The following FBXO4 variants were observed in gnomAD, a reference collection of about 807,000 sequenced individuals.
FBXO4 encodes the protein F-box protein 4, also known as F-box only protein 4.
Under a neutral mutation model 43.7 loss-of-function variants are expected in FBXO4, and 36 were observed. That is an observed-to-expected ratio of 0.82 (90% CI 0.63 to 1.09). The LOEUF is 1.09. Ranked by LOEUF, FBXO4 falls within the 50% of genes least tolerant of loss-of-function variation. The pLI is 0.00. For synonymous variants in FBXO4, 180 were observed against 165.6 expected, an observed-to-expected ratio of 1.09 and a Z score of -0.67; for missense variants, 435 against 474.1, an observed-to-expected ratio of 0.92 and a Z score of 0.77.
At chr5:41,957,378 C>A in the FBXO4 span, among the ~76,000 whole-genome samples, 1 of 148,830 alleles carries the variant, frequency 6.7e-6, no homozygotes, top group African/African-American at 2.4e-5. Flanking sequence ...TATTAGCATG[C>A]TGAATAATTA....
chr5:42,032,057 CTG>C, the FBXO4 span, among the ~76,000 whole-genome samples: 52,933 of 138,810 alleles, frequency 0.38, 9,819 homozygotes, highest in Middle Eastern at 0.46. Context: ...GTCTTTTTTT[CTG>C]TGTGTGTGTG....
At chr5:41,927,323 C>T in intron 2 of FBXO4, 75 bp downstream of exon 2, 4 of 1,055,826 alleles carry the variant, frequency 3.8e-6, no homozygotes, top group Non-Finnish European at 5.5e-6. Flanking sequence ...CCAAGTTAAT[C>T]CTGACCCTGC....
the FBXO4 span, among the ~76,000 whole-genome samples, chr5:41,950,327 C>T: frequency 6.6e-6 from 1 of 151,944 alleles, no homozygotes; most frequent in South Asian, 2.1e-4. Flanking sequence ...CTGACAAGGG[C>T]TAATACCCAG....
At chr5:42,003,152 A>G in the FBXO4 span, among the ~76,000 whole-genome samples, 1 of 152,240 alleles carries the variant, frequency 6.6e-6, no homozygotes, top group East Asian at 1.9e-4. Flanking sequence ...AGGAGAAAAA[A>G]TGAACTAAGT....
At chr5:41,955,757 A>G in the FBXO4 span, among the ~76,000 whole-genome samples, 1 of 152,282 alleles carries the variant, frequency 6.6e-6, no homozygotes, top group African/African-American at 2.4e-5. Flanking sequence ...CATGAGTAGG[A>G]GAAAACTACC....
At chr5:42,010,533 C>A in the FBXO4 span, among the ~76,000 whole-genome samples, 7 of 151,600 alleles carry the variant, frequency 4.6e-5, no homozygotes, top group East Asian at 9.7e-4. Flanking sequence ...GAATTTACTT[C>A]TTTTCTAAGA....
At chr5:41,948,978 A>G in the FBXO4 span, among the ~76,000 whole-genome samples, 1 of 152,240 alleles carries the variant, frequency 6.6e-6, no homozygotes, top group African/African-American at 2.4e-5. Flanking sequence ...GATTATCTCA[A>G]TAGAGGCAGA....
At chr5:41,984,162 C>A in the FBXO4 span, among the ~76,000 whole-genome samples, 1 of 152,028 alleles carries the variant, frequency 6.6e-6, no homozygotes, top group African/African-American at 2.4e-5. Context: ...TTATCCATGG[C>A]ATTTTTAATA....
chr5:41,962,198 C>T, the FBXO4 span, among the ~76,000 whole-genome samples: 1 of 152,192 alleles, frequency 6.6e-6, no homozygotes, highest in African/African-American at 2.4e-5. Flanking sequence ...ACTTATTTTA[C>T]CACAGGCTGC....
the FBXO4 span, among the ~76,000 whole-genome samples, chr5:42,039,717 T>A: frequency 3.3e-5 from 5 of 152,084 alleles, no homozygotes; most frequent in Non-Finnish European, 7.4e-5. Context: ...TCCGTGATAA[T>A]GTTACCTTAT....
At chr5:41,990,489 G>C in the FBXO4 span, among the ~76,000 whole-genome samples, 47 of 152,220 alleles carry the variant, frequency 3.1e-4, no homozygotes, top group Non-Finnish European at 6.2e-4. Context: ...TTGGTAGTGG[G>C]AATTTCAGAA....
At chr5:42,035,685 C>T in the FBXO4 span, among the ~76,000 whole-genome samples, 798 of 152,168 alleles carry the variant, frequency 5.2e-3, 2 homozygotes, top group African/African-American at 0.013. Context: ...AAATCGTGTT[C>T]CATGAGAAAA....
the FBXO4 span, among the ~76,000 whole-genome samples, chr5:41,984,213 G>A: frequency 6.6e-6 from 1 of 151,940 alleles, no homozygotes; most frequent in African/African-American, 2.4e-5. Flanking sequence ...AGTTTTTAGT[G>A]TTGCTATTAT....
the FBXO4 span, among the ~76,000 whole-genome samples, chr5:41,983,431 T>A: frequency 6.7e-6 from 1 of 150,134 alleles, no homozygotes; most frequent in East Asian, 2.0e-4. Context: ...AACTTTATCA[T>A]TTCTGTCAAC....
At chr5:41,987,123 A>ATTTT in the FBXO4 span, among the ~76,000 whole-genome samples, 26 of 152,290 alleles carry the variant, frequency 1.7e-4, no homozygotes, top group African/African-American at 3.1e-4. Flanking sequence ...CAGTGTTTTT[A>ATTTT]CAGAAAAATC....
At chr5:41,998,374 C>G in the FBXO4 span, among the ~76,000 whole-genome samples, 1 of 152,166 alleles carries the variant, frequency 6.6e-6, no homozygotes, top group Non-Finnish European at 1.5e-5. Context: ...TCTCCTGAAC[C>G]CTCCCAGCGG....
chr5:42,019,726 A>C, the FBXO4 span, among the ~76,000 whole-genome samples: 4 of 151,804 alleles, frequency 2.6e-5, no homozygotes, highest in Non-Finnish European at 5.9e-5. Flanking sequence ...GAAAGAAAAA[A>C]GAAAATGTAA....
the FBXO4 span, among the ~76,000 whole-genome samples, chr5:42,033,528 A>G: frequency 1.8e-4 from 27 of 151,890 alleles, no homozygotes; most frequent in African/African-American, 6.5e-4. Flanking sequence ...ATTTGTCCTA[A>G]TGCTCTTTCT....
chr5:41,959,284 G>T, the FBXO4 span, among the ~76,000 whole-genome samples: 4 of 151,928 alleles, frequency 2.6e-5, no homozygotes, highest in Non-Finnish European at 5.9e-5. Flanking sequence ...TATATCTTTT[G>T]GATATTAACT....
Sources: gnomAD v4.1 joint callset for allele counts (sites outside exome capture counted in the v4.1 genomes callset) on GRCh38, gnomAD v4.1.1 for gene constraint, MANE v1.5 for transcripts, NCBI Gene and HGNC (gene_info 2026-07-23, HGNC 2026-07-21) for gene names.